NFU1: variants seen among roughly 807,000 people sequenced by gnomAD.
NFU1 encodes NFU1 iron-sulfur cluster scaffold.
Under a neutral mutation model 32.2 loss-of-function variants are expected in NFU1, and 30 were observed. The ratio of observed to expected loss-of-function variants is 0.93; its 90% CI spans 0.70 to 1.26. NFU1 has a LOEUF of 1.26. NFU1 is among the 50% of genes most tolerant of loss of function. The probability of loss-of-function intolerance (pLI) is 0.00; values close to 1 mark genes in which losing one functional copy is unlikely to be tolerated. For synonymous variants in NFU1, 112 were observed against 104.6 expected (o/e 1.07, Z -0.43); for missense variants, 306 against 306.6 (o/e 1.00, Z 0.02).
rs1360499544 is a variant in NFU1, at chr2:69,400,537, G to C, written c.547C>G (p.Pro183Ala). ...TCCCCTCCATCTTCCTGCACAGTTG[G>C]CCTGTGAGGTCAAAGAATATTTATG... ...IKELLDTRIR[P>A]TVQEDGGDVI... Residue 183 changes from proline to alanine, a missense_variant and splice_region_variant, in exon 7 of 8, where the codon CCA (proline) becomes GCA (alanine). Transcript: ENST00000410022. 4 of 1,613,446 alleles carry C rather than the reference G, an allele frequency of 2.5e-6. No individual in the cohort carries two copies. The South Asian group carries it at 4.4e-5, about 18-fold the overall frequency.
At chr2:69,402,365 T>TA (rs1166521693) in intron 6 of NFU1, among the ~76,000 whole-genome samples, 1 of 152,148 alleles carries the variant, frequency 6.6e-6, no homozygotes, top group Non-Finnish European at 1.5e-5. Context: ...CTTTGTCACA[T>TA]AGGCTGGAAT....
At chr2:69,431,813 C>A in intron 2 of NFU1, 89 bp downstream of exon 2, 1 of 849,468 alleles carries the variant, frequency 1.2e-6, no homozygotes, top group Non-Finnish European at 2.0e-6. Context: ...AGAAAATATA[C>A]AAATTCTCAT....
chr2:69,423,668 T>C lies in NFU1; in HGVS notation c.216A>G (p.Leu72=). The change falls in exon 3 of 8, where the codon TTA becomes TTG. Residue 72 remains leucine (L), a synonymous_variant. Coordinates refer to ENST00000410022, the MANE Select transcript of NFU1 (RefSeq NM_001002755.4). ...QTQDTPNPNS[L]KFIPGKPVLE... ...GAACTGGTTTTCCTGGTATAAACTT[T>C]AAGCTGTTTGGATTTGGGGTATCTT... 6.2e-7 allele frequency: 1 copy of C among 1,611,158 alleles called. No individual in the cohort carries two copies.
At chr2:69,421,245 T>G (rs1398417374) in intron 3 of NFU1, among the ~76,000 whole-genome samples, 1 of 151,738 alleles carries the variant, frequency 6.6e-6, no homozygotes, top group Non-Finnish European at 1.5e-5. Flanking sequence ...AAATAAAATA[T>G]GAAAAACAAA....
chr2:69,432,048 A>C, intron 1 of NFU1, 43 bp from the exon 2 acceptor site: 1 of 1,340,964 alleles, frequency 7.5e-7, no homozygotes, highest in Middle Eastern at 1.8e-4. Flanking sequence ...TAAGAGCTCT[A>C]ATCTTTTAAA....
chr2:69,429,607 A>C (rs1387958691), intron 2 of NFU1, among the ~76,000 whole-genome samples: 3 of 152,216 alleles, frequency 2.0e-5, no homozygotes, highest in Non-Finnish European at 4.4e-5. Flanking sequence ...TGAGGGTAAA[A>C]ACTACAAATG....
At chr2:69,406,382 G>A (rs1456966995) in intron 5 of NFU1, among the ~76,000 whole-genome samples, 1 of 152,146 alleles carries the variant, frequency 6.6e-6, no homozygotes, top group African/African-American at 2.4e-5. Context: ...CAGTAAATAT[G>A]CAGACATTCT....
At chr2:69,410,934 C>T (rs1672858716) in intron 5 of NFU1, 1 of 151,926 alleles carries the variant, frequency 6.6e-6, no homozygotes, top group Non-Finnish European at 1.5e-5. Context: ...GAGCAGACTA[C>T]CAGAAAGTTT....
intron 7 of NFU1, 149 bp from the exon 8 acceptor site, chr2:69,396,439 A>G (rs1343422397): frequency 1.5e-5 from 9 of 589,702 alleles, no homozygotes; most frequent in Non-Finnish European, 2.7e-5. Context: ...AGCCCCAAAG[A>G]ACAAGGTTTG....
intron 4 of NFU1, among the ~76,000 whole-genome samples, chr2:69,417,844 C>A (rs1673107292): frequency 3.5e-5 from 5 of 144,684 alleles, no homozygotes; most frequent in Non-Finnish European, 1.5e-5. Context: ...TAAATCTAAT[C>A]AAGAAAAATA....
chr2:69,417,856 GA>G (rs796236251), intron 4 of NFU1, among the ~76,000 whole-genome samples: 2,124 of 123,954 alleles, frequency 0.017, 17 homozygotes, highest in African/African-American at 0.034. Flanking sequence ...AGAAAAATAG[GA>G]AAAAAAAAAA....
At chr2:69,423,457 T>C (rs1481789011) in intron 3 of NFU1, 125 bp downstream of exon 3, 2 of 845,540 alleles carry the variant, frequency 2.4e-6, no homozygotes, top group Non-Finnish European at 3.7e-6. Flanking sequence ...AAAGAAATTA[T>C]TTTCTACACT....
chr2:69,437,646 G>A (rs1255869143), upstream of NFU1: 2 of 644,100 alleles, frequency 3.1e-6, no homozygotes, highest in Non-Finnish European at 5.6e-6. Flanking sequence ...CCAACGCTTG[G>A]TTAATTCACG....
In NFU1 at chr2:69,421,318, A is replaced by C. The variant is rs140448491; in HGVS notation, c.303-1714T>G. Among the ~76,000 whole-genome samples, 22 of 152,206 alleles carry C rather than the reference A, an allele frequency of 1.4e-4. No homozygotes were observed. In the East Asian group the frequency reaches 4.0e-3, roughly 28 times the overall value. ...AAAAAAAAAGTACCTATTAATTATA[A>C]ATTTTAAAAACGATTCCAGAGCTTA... On this transcript the variant is annotated intron_variant, in intron 3 of 7. Coordinates refer to ENST00000410022, the MANE Select transcript of NFU1 (RefSeq NM_001002755.4).
intron 5 of NFU1, 25 bp from the exon 6 acceptor site, chr2:69,406,107 A>G: frequency 7.0e-7 from 1 of 1,423,848 alleles, no homozygotes. Context: ...ATATAAAAAC[A>G]TCAAGAGTAG....
intron 2 of NFU1, among the ~76,000 whole-genome samples, chr2:69,426,290 A>G (rs1158451531): frequency 7.0e-6 from 1 of 143,740 alleles, no homozygotes; most frequent in East Asian, 2.1e-4. Context: ...ATCTTTACAG[A>G]CTCTTCTTTT....
intron 6 of NFU1, among the ~76,000 whole-genome samples, chr2:69,402,864 T>C (rs1672568061): frequency 6.6e-6 from 1 of 151,984 alleles, no homozygotes; most frequent in Non-Finnish European, 1.5e-5. Context: ...ATTACAGGTG[T>C]AAGCCACCGC....
chr2:69,432,966 A>G (rs1200818492), intron 1 of NFU1, among the ~76,000 whole-genome samples: 1 of 151,798 alleles, frequency 6.6e-6, no homozygotes, highest in African/African-American at 2.4e-5. Context: ...CCTGCCCAAC[A>G]TGGTGCAACT....
At chr2:69,412,102 G>A (rs776007522) in intron 5 of NFU1, among the ~76,000 whole-genome samples, 6 of 152,066 alleles carry the variant, frequency 3.9e-5, no homozygotes, top group Non-Finnish European at 8.8e-5. Flanking sequence ...CTAGGCTGGA[G>A]TGCAATGGCA....
Sources: gnomAD v4.1 joint callset for allele counts (sites outside exome capture counted in the v4.1 genomes callset) on GRCh38, gnomAD v4.1.1 for gene constraint, MANE v1.5 for transcripts, NCBI Gene and HGNC (gene_info 2026-07-23, HGNC 2026-07-21) for gene names.